Variants in SERTAD4 observed in about 807,000 individuals in gnomAD.
SERTAD4 encodes SERTA domain-containing protein 4.
A neutral mutation model predicts 32.9 loss-of-function variants in SERTAD4; 18 were observed. The ratio of observed to expected loss-of-function variants is 0.55; its 90% CI spans 0.38 to 0.81. SERTAD4 has a LOEUF of 0.81. Ranked by LOEUF, SERTAD4 falls within the 30% of genes least tolerant of loss-of-function variation. SERTAD4 has a pLI of 0.00. For synonymous variants in SERTAD4, 150 were observed against 156.4 expected (o/e 0.96, Z 0.30); for missense variants, 383 against 426.0 (o/e 0.90, Z 0.89).
intron 1 of SERTAD4, chr1:210,233,519 A>G (rs1194120439): frequency 2.8e-6 from 1 of 353,590 alleles, no homozygotes; most frequent in Non-Finnish European, 5.5e-6. Context: ...TGCAAGAAAA[A>G]GGAATTGATG....
At chr1:210,240,182 G>C (rs1468624394) in intron 3 of SERTAD4, among the ~76,000 whole-genome samples, 1 of 148,726 alleles carries the variant, frequency 6.7e-6, no homozygotes, top group Non-Finnish European at 1.5e-5. Flanking sequence ...TGTAGGTATA[G>C]TTAAAAAAAA....
intron 1 of SERTAD4, among the ~76,000 whole-genome samples, chr1:210,234,906 G>C (rs1264889329): frequency 6.6e-6 from 1 of 152,162 alleles, no homozygotes; most frequent in Non-Finnish European, 1.5e-5. Flanking sequence ...AGAAATGCCT[G>C]GTAACTTTAC....
In SERTAD4 at chr1:210,238,127, C is replaced by G; in HGVS notation, c.167C>G (p.Pro56Arg). The G allele has an allele frequency of 6.2e-7, 1 of 1,605,072 alleles. No homozygotes were observed. Among genetic ancestry groups the G allele is most frequent in the Admixed American group, 1.7e-5 (1 of 58,378 alleles). ...PLQGDRGAGP[P>R]LAGSHYRGIS... ...CAGGGAGACCGGGGAGCTGGTCCCCCACTGGCAGGTATTGCCCTTGACCTG... is the reference window on the plus strand; with the variant it reads ...CAGGGAGACCGGGGAGCTGGTCCCCGACTGGCAGGTATTGCCCTTGACCTG... Residue 56 changes from proline to arginine, a missense_variant, in exon 2 of 4, where the codon CCA becomes CGA. Transcript: ENST00000367012.
intron 1 of SERTAD4, among the ~76,000 whole-genome samples, chr1:210,236,231 A>G (rs1453667145): frequency 1.3e-5 from 2 of 152,248 alleles, no homozygotes; most frequent in African/African-American, 4.8e-5. Context: ...GTAAAGATTT[A>G]ATCGAACCTT....
chr1:210,238,221 G>A, intron 2 of SERTAD4, 86 bp downstream of exon 2: 3 of 809,478 alleles, frequency 3.7e-6, no homozygotes, highest in Non-Finnish European at 5.9e-6. Context: ...TGTCTGGGGT[G>A]CCCCTCTGAG....
chr1:210,236,378 C>A (rs1259665798), intron 1 of SERTAD4, among the ~76,000 whole-genome samples: 1 of 152,184 alleles, frequency 6.6e-6, no homozygotes, highest in Non-Finnish European at 1.5e-5. Context: ...GACCTGTACA[C>A]CTTCCCTGTC....
chr1:210,242,380 GT>G lies in SERTAD4; in HGVS notation c.*45del. On this transcript the variant is annotated 3_prime_UTR_variant, in exon 4 of 4. Transcript: ENST00000367012. The surrounding 1 kb of genome is among the most constrained non-coding windows in gnomAD (Gnocchi z 4.0). ...CTTTGAAGCATGCACAGCATGATCAGTTAGCTCTCGTAAATTTTATTTTGAA... is the reference window on the plus strand; with the variant it reads ...CTTTGAAGCATGCACAGCATGATCAGTAGCTCTCGTAAATTTTATTTTGAA... 1 of 1,520,034 alleles carries G rather than the reference GT, an allele frequency of 6.6e-7. No individual in the cohort carries two copies. The highest frequency in any genetic ancestry group is 8.8e-7 in the Non-Finnish European group (1 of 1,138,346). The allele number at this position is 1,520,034 out of a possible 1,614,324, so 94.2% of individuals were successfully genotyped here.
At chr1:210,240,695 T>G (rs1414133326) in intron 3 of SERTAD4, among the ~76,000 whole-genome samples, 2 of 152,336 alleles carry the variant, frequency 1.3e-5, no homozygotes, top group East Asian at 3.9e-4. Context: ...GTCACACAGC[T>G]CAGGAGTGAG....
chr1:210,241,547 T>TGTTTTTTAGACCATC lies in SERTAD4; in HGVS notation c.292-11_292-10insGTTTTTTAGACCATC. 6.7e-7 allele frequency: 1 copy of TGTTTTTTAGACCATC among 1,485,104 alleles called. No homozygotes were observed. Among genetic ancestry groups the TGTTTTTTAGACCATC allele is most frequent in the Admixed American group, 2.4e-5 (1 of 41,934 alleles). 92.0% of individuals were successfully genotyped at this position (1,485,104 alleles called of 1,614,324 possible). On this transcript the variant is annotated splice_polypyrimidine_tract_variant and intron_variant, in intron 3 of 3. Coordinates refer to ENST00000367012, the MANE Select transcript of SERTAD4 (RefSeq NM_019605.5). Reference sequence around the variant, plus strand: ...GTTTGTTTTTTTCTTTTTTTTTTTTTTGGTTTGTAGACCATCTCAATTTTT... The same window carrying TGTTTTTTAGACCATC: ...GTTTGTTTTTTTCTTTTTTTTTTTTTGTTTTTTAGACCATCTGGTTTGTAGACCATCTCAATTTTT...
chr1:210,241,543 T>TTTTTTTTG lies in SERTAD4; in HGVS notation c.292-10_292-9insTTGTTTTT. Reference sequence around the variant, plus strand: ...TTCTGTTTGTTTTTTTCTTTTTTTTTTTTTTGGTTTGTAGACCATCTCAAT... The same window carrying TTTTTTTTG: ...TTCTGTTTGTTTTTTTCTTTTTTTTTTTTTTTTGTTTTTGGTTTGTAGACCATCTCAAT... On this transcript the variant is annotated splice_polypyrimidine_tract_variant and intron_variant, in intron 3 of 3. Coordinates refer to ENST00000367012, the MANE Select transcript of SERTAD4 (RefSeq NM_019605.5). The TTTTTTTTG allele has an allele frequency of 2.0e-6, 3 of 1,489,410 alleles. No homozygotes were observed. Among genetic ancestry groups the TTTTTTTTG allele is most frequent in the South Asian group, 3.0e-5 (2 of 66,776 alleles). The allele number at this position is 1,489,410 out of a possible 1,614,324, so 92.3% of individuals were successfully genotyped here. A position where few individuals can be genotyped will look rare whatever the true frequency, so the allele number is the denominator to read the frequency against.
intron 1 of SERTAD4, among the ~76,000 whole-genome samples, 184 bp downstream of exon 1, chr1:210,233,195 G>T (rs951883326): frequency 4.6e-5 from 7 of 152,098 alleles, no homozygotes; most frequent in Non-Finnish European, 8.8e-5. Flanking sequence ...GAGTCGGGGC[G>T]GCGTGGGGGC....
Position 210,241,587 on chromosome 1 carries a change from C to T in SERTAD4, c.321C>T (p.His107=). The stretch of plus-strand genomic sequence containing the variant: ...TCTCAATTTTTGAGGAACGAGCCCA[C>T]ATCCTTTATATGTCCTTAGAAAAGC... ...KTISIFEERA[H]ILYMSLEKLK... Residue 107 remains histidine (H), a synonymous_variant, in exon 4 of 4, where the codon CAC becomes CAT. Transcript: ENST00000367012. The T allele has an allele frequency of 6.3e-7, 1 of 1,579,444 alleles. No homozygotes were observed. The highest frequency in any genetic ancestry group is 8.6e-7 in the Non-Finnish European group (1 of 1,164,142).
In SERTAD4 at chr1:210,242,620, G is replaced by A. The variant is rs906426591; in HGVS notation, c.*283G>A. ...AAAAGATCAGTAGATGAGATTGGGG[G>A]ACAATGTGCCCTTGCAATATTTCCA... On this transcript the variant is annotated 3_prime_UTR_variant, in exon 4 of 4. Coordinates refer to ENST00000367012, the MANE Select transcript of SERTAD4 (RefSeq NM_019605.5). The surrounding 1 kb of genome is among the most constrained non-coding windows in gnomAD (Gnocchi z 4.0). 12 of 1,137,974 alleles carry A rather than the reference G, an allele frequency of 1.1e-5. No individual in the cohort carries two copies. In the South Asian group the frequency reaches 3.3e-4, roughly 31 times the overall value. The allele number at this position is 1,137,974 out of a possible 1,614,324, so 70.5% of individuals were successfully genotyped here.
chr1:210,241,103 C>T (rs1414322842), intron 3 of SERTAD4, among the ~76,000 whole-genome samples: 1 of 108,016 alleles, frequency 9.3e-6, no homozygotes, highest in Non-Finnish European at 1.9e-5. Flanking sequence ...GGTCGAGAAC[C>T]AAAACATAAC....
At chr1:210,233,470 G>A (rs1413784357) in intron 1 of SERTAD4, among the ~76,000 whole-genome samples, 1 of 152,214 alleles carries the variant, frequency 6.6e-6, no homozygotes, top group African/African-American at 2.4e-5. Context: ...CGCTTGGCAG[G>A]TGGGGAGAGA....
chr1:210,236,594 GTAA>G (rs543945120), intron 1 of SERTAD4, among the ~76,000 whole-genome samples: 49 of 152,080 alleles, frequency 3.2e-4, no homozygotes, highest in Non-Finnish European at 6.2e-4. Context: ...TAGCATGTAG[GTAA>G]TAATAGTCTC....
In SERTAD4 at chr1:210,242,762, T is replaced by C; in HGVS notation, c.*425T>C. The C allele has an allele frequency of 1.0e-6, 1 of 990,582 alleles. No homozygotes were observed. The highest frequency in any genetic ancestry group is 1.2e-6 in the Non-Finnish European group (1 of 833,314). 61.4% of individuals were successfully genotyped at this position (990,582 alleles called of 1,614,324 possible). A position where few individuals can be genotyped will look rare whatever the true frequency, so the allele number is the denominator to read the frequency against. ...AGCAAAGATACCTGCTTCTTCTATA[T>C]GATACAATATTTTTTTTAAATAAAA... On this transcript the variant is annotated 3_prime_UTR_variant, in exon 4 of 4. Transcript: ENST00000367012. The surrounding 1 kb of genome is among the most constrained non-coding windows in gnomAD (Gnocchi z 4.0).
At position 210,236,821 on chromosome 1, in the gene SERTAD4, G is replaced by A. The variant is rs568991875; in HGVS notation, c.-17-1123G>A. ...GATTGGCAGTTAAGGAGGCACTGAG[G>A]TTGCGCTACTGTCACCACTGGTCTA... On this transcript the variant is annotated intron_variant, in intron 1 of 3. Coordinates refer to ENST00000367012, the MANE Select transcript of SERTAD4 (RefSeq NM_019605.5). Among the ~76,000 whole-genome samples the A allele has an allele frequency of 3.3e-5, 5 of 152,326 alleles. No homozygotes were observed. The South Asian group carries it at 6.2e-4, about 19-fold the overall frequency.
chr1:210,233,694 TC>T, intron 1 of SERTAD4: 1 of 470,468 alleles, frequency 2.1e-6, no homozygotes, highest in Non-Finnish European at 4.4e-6. Flanking sequence ...TCGCTTCCCT[TC>T]CTCCCCTCCC....
Sources: allele counts gnomAD v4.1 joint callset (sites outside exome capture counted in the v4.1 genomes callset), GRCh38; gene constraint gnomAD v4.1.1; non-coding constraint Gnocchi (gnomAD v3.1); transcripts MANE v1.5; gene names NCBI Gene and HGNC (gene_info 2026-07-23, HGNC 2026-07-21).